ADGRL2: variants seen among roughly 807,000 people sequenced by gnomAD.
ADGRL2 encodes the protein adhesion G protein-coupled receptor L2.
Under a neutral mutation model 157.4 loss-of-function variants are expected in ADGRL2, and 44 were observed. The ratio of observed to expected loss-of-function variants is 0.28; its 90% CI spans 0.22 to 0.36. The LOEUF (loss-of-function observed/expected upper bound fraction) is 0.36. Ranked by LOEUF, ADGRL2 falls within the 10% of genes least tolerant of loss-of-function variation. ADGRL2 has a pLI of 1.00. For missense variants in ADGRL2, 1,510 were observed against 1,768.9 expected (o/e 0.85, Z 2.63); for synonymous variants, 585 against 624.7 (o/e 0.94, Z 0.95).
At chr1:81,479,463 AGAGT>A (rs1453554244) in intron 2 of ADGRL2, among the ~76,000 whole-genome samples, 3 of 152,154 alleles carry the variant, frequency 2.0e-5, no homozygotes, top group Admixed American at 6.5e-5. Flanking sequence ...AGAGTACAAC[AGAGT>A]GAGACTCCGT....
chr1:81,496,939 C>T (rs1570281366), intron 2 of ADGRL2, among the ~76,000 whole-genome samples: 1 of 152,184 alleles, frequency 6.6e-6, no homozygotes, highest in East Asian at 1.9e-4. Flanking sequence ...CCCCTTTCTA[C>T]CTGATTATTT....
At chr1:81,803,419 A>G (rs1299199614) in intron 1 of ADGRL2, among the ~76,000 whole-genome samples, 1 of 151,864 alleles carries the variant, frequency 6.6e-6, no homozygotes, top group African/African-American at 2.4e-5. Flanking sequence ...AGTGTCGCTG[A>G]GTGGAGGCTT....
intron 3 of ADGRL2, among the ~76,000 whole-genome samples, chr1:81,594,500 G>A (rs1408984881): frequency 6.6e-6 from 1 of 152,058 alleles, no homozygotes; most frequent in Non-Finnish European, 1.5e-5. Context: ...CTTATTATAA[G>A]GAAAAGTTAA....
intron 2 of ADGRL2, among the ~76,000 whole-genome samples, chr1:81,789,158 G>A (rs773170335): frequency 6.6e-6 from 1 of 152,156 alleles, no homozygotes; most frequent in Non-Finnish European, 1.5e-5. Flanking sequence ...TTTTATACAG[G>A]CCACAGCAGT....
chr1:81,312,930 A>C (rs12071890), intron 1 of ADGRL2, among the ~76,000 whole-genome samples: 67,779 of 152,064 alleles, frequency 0.45, 15,497 homozygotes, highest in Middle Eastern at 0.55. Context: ...AGACAGACCT[A>C]AGTTGGAATA....
At chr1:81,738,048 A>T (rs1188369257) in intron 1 of ADGRL2, among the ~76,000 whole-genome samples, 1 of 152,226 alleles carries the variant, frequency 6.6e-6, no homozygotes, top group African/African-American at 2.4e-5. Context: ...CAGTGGCCTC[A>T]GACCTAAATT....
At chr1:81,367,505 A>T (rs1043793110) in intron 1 of ADGRL2, among the ~76,000 whole-genome samples, 1 of 152,186 alleles carries the variant, frequency 6.6e-6, no homozygotes, top group Non-Finnish European at 1.5e-5. Context: ...TTTGCCAAGG[A>T]TAACCATTCC....
chr1:81,320,928 C>T (rs1218443455), intron 1 of ADGRL2, among the ~76,000 whole-genome samples: 5 of 152,192 alleles, frequency 3.3e-5, no homozygotes, highest in Non-Finnish European at 4.4e-5. Flanking sequence ...AGCCAAGCAT[C>T]GACTTCTCCT....
intron 2 of ADGRL2, among the ~76,000 whole-genome samples, chr1:81,495,383 A>G: frequency 6.6e-6 from 1 of 152,210 alleles, no homozygotes; most frequent in East Asian, 1.9e-4. Context: ...AATAATGATG[A>G]TTATTACAAG....
chr1:81,586,293 A>T (rs373859764), intron 3 of ADGRL2: 1 of 152,010 alleles, frequency 6.6e-6, no homozygotes. Context: ...AATCGGGCCA[A>T]TTCTTCTATT....
chr1:81,442,091 C>G (rs554031024), intron 1 of ADGRL2, among the ~76,000 whole-genome samples: 3 of 152,172 alleles, frequency 2.0e-5, no homozygotes, highest in African/African-American at 7.2e-5. Flanking sequence ...TCCTCAACTT[C>G]CCAAAGTGCT....
At chr1:81,817,974 G>T (rs2149791819) in intron 1 of ADGRL2, among the ~76,000 whole-genome samples, 1 of 151,770 alleles carries the variant, frequency 6.6e-6, no homozygotes, top group East Asian at 2.0e-4. Flanking sequence ...GATCGGCCTG[G>T]GTAACATAGC....
intron 1 of ADGRL2, among the ~76,000 whole-genome samples, chr1:81,312,364 C>T (rs1418713026): frequency 1.7e-4 from 26 of 152,180 alleles, no homozygotes. Context: ...TGATCGCCAG[C>T]CAGCATGCTC....
At position 81,544,162 on chromosome 1, in the gene ADGRL2, A is replaced by G. The variant is rs576968925; in HGVS notation, c.-247-36714A>G. 6.8e-4 allele frequency among the ~76,000 whole-genome samples: 104 copies of G among 152,220 alleles called. No homozygotes were observed. The South Asian group carries it at 0.021, about 31-fold the overall frequency. On this transcript the variant is annotated intron_variant, in intron 2 of 24. Coordinates refer to the ADGRL2 transcript ENST00000370721. ...TATCATCTATGACCATGCTACAAAA[A>G]TAAGTAATTTATTATGTTTATTTCT...
In ADGRL2 at chr1:81,355,644, CACAAGAAG is replaced by C. The variant is rs575586983; in HGVS notation, c.-302+49136_-302+49143del. On this transcript the variant is annotated intron_variant, in intron 1 of 24. Transcript: ENST00000370721. ...CCATTTGGAAAAGAAAGCATTACAGCACAAGAAGTGTACTACAGAGGCCAACATGCAGA... is the reference window on the plus strand; with the variant it reads ...CCATTTGGAAAAGAAAGCATTACAGCTGTACTACAGAGGCCAACATGCAGA... Among the ~76,000 whole-genome samples the C allele has an allele frequency of 2.7e-3, 412 of 152,236 alleles. 5 individuals carry two copies. The South Asian group carries it at 0.051, about 19-fold the overall frequency.
At chr1:81,955,037 A>G (rs1653043776) in intron 10 of ADGRL2, among the ~76,000 whole-genome samples, 1 of 152,300 alleles carries the variant, frequency 6.6e-6, no homozygotes, top group Non-Finnish European at 1.5e-5. Flanking sequence ...GTGTAGGAGT[A>G]TAAGATCCTG....
chr1:81,655,715 G>A (rs1035642394), intron 3 of ADGRL2, among the ~76,000 whole-genome samples: 2 of 152,082 alleles, frequency 1.3e-5, no homozygotes, highest in Non-Finnish European at 2.9e-5. Flanking sequence ...ATGAGAGGCT[G>A]TCTTCTTTGT....
At chr1:81,708,792 A>G (rs2083828045) in intron 1 of ADGRL2, among the ~76,000 whole-genome samples, 1 of 152,074 alleles carries the variant, frequency 6.6e-6, no homozygotes, top group Non-Finnish European at 1.5e-5. Flanking sequence ...TCAGCTAAAC[A>G]ATTTCCTTTA....
rs187113340 is a variant in ADGRL2, at chr1:81,421,150, G to A, written c.-301-23886G>A. Among the ~76,000 whole-genome samples, 25 of 152,266 alleles carry A rather than the reference G, an allele frequency of 1.6e-4. No individual in the cohort carries two copies. In the East Asian group the frequency reaches 2.7e-3, roughly 16 times the overall value. On this transcript the variant is annotated intron_variant, in intron 1 of 24. Transcript: ENST00000370721. Reference sequence around the variant, plus strand: ...TATTTAGGAATGCACAATCCCTTTAGAGCCTCATTTTTTTCTCCTATTACG... The same window carrying A: ...TATTTAGGAATGCACAATCCCTTTAAAGCCTCATTTTTTTCTCCTATTACG...
Sources: allele counts gnomAD v4.1 joint callset (sites outside exome capture counted in the v4.1 genomes callset), GRCh38; gene constraint gnomAD v4.1.1; transcripts MANE v1.5; gene names NCBI Gene and HGNC (gene_info 2026-07-23, HGNC 2026-07-21).